Variants in PZP observed in about 807,000 individuals in gnomAD.
PZP encodes the protein pregnancy zone protein.
PZP carries 150 observed loss-of-function variants against 179.8 expected under a neutral mutation model. That is an observed-to-expected ratio of 0.83 (90% CI 0.73 to 0.96). The LOEUF (loss-of-function observed/expected upper bound fraction) is 0.96. Ranked by LOEUF, PZP falls within the 40% of genes least tolerant of loss-of-function variation. The probability of loss-of-function intolerance (pLI) is 0.00; values close to 1 mark genes in which losing one functional copy is unlikely to be tolerated. For missense variants in PZP, 1,689 were observed against 1,764.0 expected, an observed-to-expected ratio of 0.96 and a Z score of 0.76; for synonymous variants, 624 against 652.3, an observed-to-expected ratio of 0.96 and a Z score of 0.66.
intron 28 of PZP, chr12:9,156,502 G>C (rs1940765790): frequency 6.5e-6 from 1 of 152,984 alleles, no homozygotes; most frequent in Non-Finnish European, 1.5e-5. Flanking sequence ...AGTGAGCATG[G>C]TGCAGCCAGG....
intron 15 of PZP, among the ~76,000 whole-genome samples, chr12:9,179,809 A>G (rs1368144690): frequency 2.0e-5 from 3 of 152,246 alleles, no homozygotes; most frequent in Non-Finnish European, 4.4e-5. Context: ...TATAGCTTTC[A>G]TTAAGATCAC....
intron 18 of PZP, 84 bp from the exon 19 acceptor site, chr12:9,165,451 C>T (rs1015191500): frequency 1.1e-4 from 168 of 1,464,916 alleles, no homozygotes; most frequent in Admixed American, 1.5e-4. Context: ...ATAAAGCTAA[C>T]GTCAAGAACT....
In PZP at chr12:9,208,301, A is replaced by C; in HGVS notation, c.41T>G (p.Leu14Arg). The C allele has an allele frequency of 6.2e-7, 1 of 1,613,794 alleles. No homozygotes were observed. Among genetic ancestry groups the C allele is most frequent in the South Asian group, 1.1e-5 (1 of 91,072 alleles). The stretch of plus-strand genomic sequence containing the variant: ...GTCACTGGCAGAAAGCAGGATAAGA[A>C]GTAGCACAAGACATAAATGAAGAAG... ...DRLLHLCLVL[L>R]LILLSASDSN... Residue 14 changes from leucine to arginine, a missense_variant, in exon 1 of 36, where the codon CTT (leucine) becomes CGT (arginine). Coordinates refer to ENST00000261336, the MANE Select transcript of PZP (RefSeq NM_002864.3).
chr12:9,175,006 C>CAATT (rs1393603883), intron 15 of PZP, among the ~76,000 whole-genome samples: 1 of 152,164 alleles, frequency 6.6e-6, no homozygotes, highest in Non-Finnish European at 1.5e-5. Context: ...ATTGCCAAGA[C>CAATT]AATTCTAAGC....
At chr12:9,152,632 A>G (rs1223488189) in intron 31 of PZP, among the ~76,000 whole-genome samples, 192 bp downstream of exon 31, 1 of 152,248 alleles carries the variant, frequency 6.6e-6, no homozygotes, top group Non-Finnish European at 1.5e-5. Flanking sequence ...TTTGTTATTT[A>G]GTATATATTA....
rs931714761 is a variant in PZP at position 9,157,762 on chromosome 12, C to A, written c.3369+5G>T. 1.2e-6 allele frequency: 2 copies of A among 1,612,586 alleles called. No individual in the cohort carries two copies. The highest frequency in any genetic ancestry group is 1.7e-6 in the Non-Finnish European group (2 of 1,178,638). On this transcript the variant is annotated splice_donor_5th_base_variant and intron_variant, in intron 27 of 35. Transcript: ENST00000261336. ...GGTAGGGAATGGGATTGAGCTGGTA[C>A]CTACAGTGACTGGGAGAGGAATTTC...
chr12:9,145,961 G>GA (rs1241905366), downstream of PZP, among the ~76,000 whole-genome samples: 1 of 152,034 alleles, frequency 6.6e-6, no homozygotes. Context: ...TTATTGCTTT[G>GA]AAAATTCTCT....
chr12:9,157,700 AG>A, intron 27 of PZP, 66 bp downstream of exon 27: 1 of 1,392,360 alleles, frequency 7.2e-7, no homozygotes, highest in South Asian at 1.2e-5. Flanking sequence ...AACCCTTAGC[AG>A]GGTGGCATTC....
intron 13 of PZP, among the ~76,000 whole-genome samples, chr12:9,191,830 C>T (rs1943473647): frequency 6.6e-6 from 1 of 152,114 alleles, no homozygotes; most frequent in African/African-American, 2.4e-5. Context: ...TTCCCATTTC[C>T]CATGATAATT....
rs758929235 is a variant in PZP, at chr12:9,170,557, C to T, written c.1840-966G>A. Among the ~76,000 whole-genome samples the T allele has an allele frequency of 1.3e-5, 2 of 152,150 alleles. No individual in the cohort carries two copies. Among genetic ancestry groups the T allele is most frequent in the African/African-American group, 2.4e-5 (1 of 41,430 alleles). On this transcript the variant is annotated intron_variant, in intron 15 of 35. Coordinates refer to ENST00000261336, the MANE Select transcript of PZP (RefSeq NM_002864.3). The surrounding 1 kb of genome is among the most constrained non-coding windows in gnomAD (Gnocchi z 4.6). ...TCACTGTCTTGGAATCTCAGCCAGC[C>T]GACGGCAGTGGGTTGGAGTCCACCT...
chr12:9,185,420 A>G (rs1281186301), intron 13 of PZP, among the ~76,000 whole-genome samples: 2 of 152,210 alleles, frequency 1.3e-5, no homozygotes, highest in East Asian at 1.9e-4. Flanking sequence ...CCTCTGAGAA[A>G]TCTGGGATTA....
intron 22 of PZP, chr12:9,162,139 T>C (rs1941251284): frequency 6.5e-6 from 1 of 153,708 alleles, no homozygotes. Context: ...TTTTTGTTTT[T>C]TTCGTAGAGA....
intron 13 of PZP, among the ~76,000 whole-genome samples, chr12:9,186,697 T>C (rs1335039964): frequency 6.6e-6 from 1 of 152,072 alleles, no homozygotes; most frequent in Non-Finnish European, 1.5e-5. Flanking sequence ...TCATGTCCTT[T>C]CCAGGGACAT....
At chr12:9,162,730 G>T in intron 21 of PZP, 82 bp from the exon 22 acceptor site, 3 of 1,138,432 alleles carry the variant, frequency 2.6e-6, no homozygotes, top group Non-Finnish European at 3.9e-6. Flanking sequence ...TCTTTGATGG[G>T]TAGGGTTTAC....
the PZP span, among the ~76,000 whole-genome samples, chr12:9,136,500 G>A: frequency 6.6e-6 from 1 of 151,976 alleles, no homozygotes; most frequent in Admixed American, 6.6e-5. Context: ...TTTAAAAAAG[G>A]CAATATTCCA....
chr12:9,184,589 G>A (rs1267676863), intron 13 of PZP, among the ~76,000 whole-genome samples: 1 of 152,234 alleles, frequency 6.6e-6, no homozygotes, highest in African/African-American at 2.4e-5. Context: ...CCACTGCCAT[G>A]CTGCTGGTAC....
chr12:9,194,040 T>C (rs746423201), intron 11 of PZP, 37 bp downstream of exon 11: 19 of 1,568,858 alleles, frequency 1.2e-5, no homozygotes, highest in Admixed American at 6.8e-5. Context: ...TTCCTAACAT[T>C]TCCTTTGTCC....
chr12:9,202,755 C>G, intron 2 of PZP, 71 bp from the exon 3 acceptor site: 1 of 1,422,892 alleles, frequency 7.0e-7, no homozygotes, highest in Admixed American at 2.0e-5. Flanking sequence ...TCAGTCATTG[C>G]TATTTCCTAT....
intron 15 of PZP, among the ~76,000 whole-genome samples, chr12:9,173,805 A>C (rs920862904): frequency 6.6e-6 from 1 of 152,254 alleles, no homozygotes; most frequent in Admixed American, 6.5e-5. Context: ...GAATAGACCA[A>C]TAACGAGTTC....
Sources: gnomAD v4.1 joint callset for allele counts (sites outside exome capture counted in the v4.1 genomes callset) on GRCh38, gnomAD v4.1.1 for gene constraint, Gnocchi (gnomAD v3.1) non-coding constraint, MANE v1.5 for transcripts, NCBI Gene and HGNC (gene_info 2026-07-23, HGNC 2026-07-21) for gene names.